SORL1: variants seen among roughly 807,000 people sequenced by gnomAD.
The protein encoded by SORL1 is sortilin related receptor 1.
SORL1 carries 127 observed loss-of-function variants against 273.7 expected under a neutral mutation model. The ratio of observed to expected loss-of-function variants is 0.46; its 90% CI spans 0.40 to 0.54. The LOEUF (loss-of-function observed/expected upper bound fraction) is 0.54. Among genes scored for constraint, SORL1 ranks in the 20% least tolerant of loss-of-function variants. The pLI is 0.00. For missense variants in SORL1, 2,494 were observed against 2,846.1 expected (o/e 0.88, Z 2.81); for synonymous variants, 1,031 against 1,067.4 (o/e 0.97, Z 0.66).
rs565571026 is a variant in SORL1 at position 121,618,915 on chromosome 11, A to C, written c.5724+22A>C. 5.6e-6 allele frequency: 9 copies of C among 1,613,726 alleles called. No individual in the cohort carries two copies. In the African/African-American group the frequency reaches 8.0e-5, roughly 14 times the overall value. On this transcript the variant is annotated intron_variant, in intron 42 of 47. Transcript: ENST00000260197. Reference sequence around the variant, plus strand: ...TCTGGTAAGTTTCCCATACCGTTTCAGTTTTTTAAGGGATGTCTTAAGTCC... The same window carrying C: ...TCTGGTAAGTTTCCCATACCGTTTCCGTTTTTTAAGGGATGTCTTAAGTCC...
At chr11:121,597,377 C>G (rs1189888940) in intron 32 of SORL1, among the ~76,000 whole-genome samples, 1 of 151,438 alleles carries the variant, frequency 6.6e-6, no homozygotes, top group African/African-American at 2.4e-5. Flanking sequence ...AGGTTTCTGG[C>G]AATACAAATT....
Position 121,595,501 on chromosome 11 carries a change from T to C in SORL1, c.4370-122T>C. The C allele has an allele frequency of 1.1e-6, 1 of 886,682 alleles. No individual in the cohort carries two copies. The highest frequency in any genetic ancestry group is 1.5e-5 in the South Asian group (1 of 66,586). The allele number at this position is 886,682 out of a possible 1,614,324, so 54.9% of individuals were successfully genotyped here. A position where few individuals can be genotyped will look rare whatever the true frequency, so the allele number is the denominator to read the frequency against. On this transcript the variant is annotated intron_variant, in intron 31 of 47. Coordinates refer to ENST00000260197, the MANE Select transcript of SORL1 (RefSeq NM_003105.6). This position sits in a 1 kb window ranked among gnomAD's most constrained non-coding sequence, Gnocchi z 5.1. Reference sequence around the variant, plus strand: ...TCTGCTCTCTATCCGGAACTCGCATTTGTCTTCAGGTTCCCATTGTAATTT... The same window carrying C: ...TCTGCTCTCTATCCGGAACTCGCATCTGTCTTCAGGTTCCCATTGTAATTT...
At chr11:121,468,647 C>G (rs1454955689) in intron 1 of SORL1, among the ~76,000 whole-genome samples, 1 of 152,158 alleles carries the variant, frequency 6.6e-6, no homozygotes, top group Non-Finnish European at 1.5e-5. Context: ...TCTTGAACTC[C>G]TGACCTCAGG....
intron 43 of SORL1, 135 bp downstream of exon 43, chr11:121,620,052 A>C: frequency 2.8e-6 from 2 of 704,250 alleles, no homozygotes; most frequent in South Asian, 3.5e-5. Flanking sequence ...TCTCTCTCCC[A>C]TTTCAGTCTG....
chr11:121,617,736 C>A (rs2134942555), intron 41 of SORL1, among the ~76,000 whole-genome samples: 1 of 152,346 alleles, frequency 6.6e-6, no homozygotes, highest in South Asian at 2.1e-4. Flanking sequence ...CAGTTATAAA[C>A]TCCCTCGGCT....
Position 121,583,507 on chromosome 11 carries a change from C to T in SORL1, c.3630C>T (p.His1210=). The change falls in exon 26 of 48, where the codon CAC becomes CAT. Residue 1210 remains histidine (H), a synonymous_variant. Transcript: ENST00000260197. ...CCAACTTCCAGTGCCGAAACGGGCACTGCATCCCCCAGCGGTGGGCGTGTG... is the reference window on the plus strand; with the variant it reads ...CCAACTTCCAGTGCCGAAACGGGCATTGCATCCCCCAGCGGTGGGCGTGTG... ...EASNFQCRNG[H]CIPQRWACDG... The T allele has an allele frequency of 1.2e-6, 2 of 1,613,064 alleles. No individual in the cohort carries two copies. Among genetic ancestry groups the T allele is most frequent in the East Asian group, 2.2e-5 (1 of 44,694 alleles).
In SORL1 at chr11:121,631,797, G is replaced by A. The variant is rs1309145899; in HGVS notation, c.*2234G>A. 2 of 152,138 alleles carry A rather than the reference G, an allele frequency of 1.3e-5. No individual in the cohort carries two copies. The highest frequency in any genetic ancestry group is 2.4e-5 in the African/African-American group (1 of 41,420). The allele number at this position is 152,138 out of a possible 1,614,324, so 9.4% of individuals were successfully genotyped here. ...CTGTTTGAAAAAAAGCAGCCTTTTA[G>A]GGCTAGAGTATTTTATATAAACAGA... On this transcript the variant is annotated 3_prime_UTR_variant, in exon 48 of 48. Transcript: ENST00000260197.
intron 32 of SORL1, among the ~76,000 whole-genome samples, chr11:121,600,443 A>T (rs1028695348): frequency 2.6e-5 from 4 of 152,232 alleles, no homozygotes; most frequent in African/African-American, 4.8e-5. Context: ...ACCAACAGGG[A>T]CAGGTTGATC....
chr11:121,521,520 G>C (rs1288323038), intron 9 of SORL1, among the ~76,000 whole-genome samples: 1 of 152,164 alleles, frequency 6.6e-6, no homozygotes, highest in Non-Finnish European at 1.5e-5. Flanking sequence ...TTTATGAACT[G>C]TCGTTCATCA....
chr11:121,589,461 A>G, intron 29 of SORL1, 71 bp downstream of exon 29: 3 of 1,577,896 alleles, frequency 1.9e-6, no homozygotes, highest in Non-Finnish European at 1.7e-6. Flanking sequence ...TTACAGGGAC[A>G]CTCACCGGCA....
intron 36 of SORL1, 107 bp from the exon 37 acceptor site, chr11:121,607,079 C>T: frequency 1.0e-6 from 1 of 1,000,934 alleles, no homozygotes; most frequent in Non-Finnish European, 1.6e-6. Context: ...TCCGTCAGAA[C>T]ATTTTGCTCC....
intron 1 of SORL1, among the ~76,000 whole-genome samples, chr11:121,467,841 G>A (rs184265400): frequency 6.6e-5 from 10 of 152,274 alleles, no homozygotes; most frequent in Admixed American, 5.9e-4. Flanking sequence ...GTTAGTGCTT[G>A]CCTGGACTTC....
rs767334696 is a variant in SORL1, at chr11:121,452,603, A to G, written c.272A>G (p.Lys91Arg). 24 of 1,514,448 alleles carry G rather than the reference A, an allele frequency of 1.6e-5. No individual in the cohort carries two copies. The highest frequency in any genetic ancestry group is 1.8e-5 in the Non-Finnish European group (21 of 1,138,976). The allele number at this position is 1,514,448 out of a possible 1,614,324, so 93.8% of individuals were successfully genotyped here. The stretch of plus-strand genomic sequence containing the variant: ...GCTGCCCTGCAGCCCGAGCCCATCA[A>G]GGTGTACGGACAGGTGAGCAGTTTT... ...RSAALQPEPI[K>R]VYGQVSLNDS... is the part of the protein sequence containing the mutation. Residue 91 changes from lysine (K) to arginine (R), a missense_variant, in exon 1 of 48, where the codon AAG (lysine) becomes AGG (arginine). Lys to Arg is a conservative substitution (Grantham distance 26). This residue lies in a region of SORL1 where 175 missense variants were observed against 147.1 expected (regional missense o/e 1.19). Transcript: ENST00000260197. This position sits in a 1 kb window ranked among gnomAD's most constrained non-coding sequence, Gnocchi z 5.3.
At chr11:121,538,365 C>T (rs1314516514) in intron 12 of SORL1, among the ~76,000 whole-genome samples, 1 of 152,150 alleles carries the variant, frequency 6.6e-6, no homozygotes. Context: ...GCCCCAATTA[C>T]AGGCAACCAC....
At chr11:121,592,971 A>G (rs1415774187) in intron 31 of SORL1, among the ~76,000 whole-genome samples, 3 of 152,188 alleles carry the variant, frequency 2.0e-5, no homozygotes, top group Admixed American at 2.0e-4. Context: ...CAGTGCTGGG[A>G]CAAATTTAAA....
At chr11:121,500,130 G>A (rs1276867241) in intron 6 of SORL1, among the ~76,000 whole-genome samples, 5 of 152,144 alleles carry the variant, frequency 3.3e-5, no homozygotes, top group Non-Finnish European at 7.3e-5. Context: ...AAATGATAGG[G>A]CCATTAAAGA....
chr11:121,607,164 AT>A (rs752718559), intron 36 of SORL1, 21 bp from the exon 37 acceptor site: 30 of 1,464,510 alleles, frequency 2.0e-5, no homozygotes, highest in Non-Finnish European at 2.6e-5. Flanking sequence ...CTTTACTCAC[AT>A]TTTTTTTCTT....
At chr11:121,601,445 A>G (rs1863389844) in intron 32 of SORL1, among the ~76,000 whole-genome samples, 1 of 151,206 alleles carries the variant, frequency 6.6e-6, no homozygotes, top group Non-Finnish European at 1.5e-5. Context: ...TGGTATTTCC[A>G]GTTCCAGATC....
intron 27 of SORL1, 144 bp from the exon 28 acceptor site, chr11:121,587,876 G>T: frequency 2.4e-6 from 2 of 845,808 alleles, no homozygotes; most frequent in South Asian, 1.7e-5. Flanking sequence ...CTCTAGGCTT[G>T]GCAGAAAACA....
Sources: gnomAD v4.1 joint callset for allele counts (sites outside exome capture counted in the v4.1 genomes callset) on GRCh38, gnomAD v4.1.1 for gene constraint, gnomAD v4.1.1 regional missense constraint, Gnocchi (gnomAD v3.1) non-coding constraint, MANE v1.5 for transcripts, NCBI Gene and HGNC (gene_info 2026-07-23, HGNC 2026-07-21) for gene names.